Variants in SPECC1L observed in about 807,000 individuals in gnomAD.
SPECC1L encodes the protein sperm antigen with calponin homology and coiled-coil domains 1 like.
In SPECC1L, 40 loss-of-function variants were observed where a neutral mutation model predicts 116.8. The observed-to-expected ratio is 0.34, with a 90% CI of 0.27 to 0.45. The LOEUF is 0.45. Ranked by LOEUF, SPECC1L falls within the 20% of genes least tolerant of loss-of-function variation. The pLI, the probability that SPECC1L is intolerant of heterozygous loss-of-function variation, is 1.00. For missense variants in SPECC1L, 1,110 were observed against 1,373.6 expected (o/e 0.81, Z 3.03); for synonymous variants, 504 against 500.6 (o/e 1.01, Z -0.09).
chr22:24,379,083 A>G (rs533639981), intron 14 of SPECC1L, among the ~76,000 whole-genome samples: 2 of 150,168 alleles, frequency 1.3e-5, no homozygotes, highest in African/African-American at 4.8e-5. Flanking sequence ...CCTAAGTTTT[A>G]AATTTTGCTA....
chr22:24,328,332 ATATT>A lies in SPECC1L; in HGVS notation c.2147-513_2147-510del, dbSNP rs527487439. Among the ~76,000 whole-genome samples the A allele has an allele frequency of 1.9e-3, 282 of 152,328 alleles. 16 individuals carry two copies. In the South Asian group the frequency reaches 0.056, roughly 30 times the overall value. On this transcript the variant is annotated intron_variant, in intron 6 of 16. Coordinates refer to ENST00000314328, the MANE Select transcript of SPECC1L (RefSeq NM_015330.6). ...GGAATTATTGATTTACTTTATAAATATATTCTTTATTTTTTAAAAAGATTTTTAT... is the reference window on the plus strand; with the variant it reads ...GGAATTATTGATTTACTTTATAAATACTTTATTTTTTAAAAAGATTTTTAT...
intron 14 of SPECC1L, among the ~76,000 whole-genome samples, chr22:24,408,234 G>A (rs1373208006): frequency 2.6e-5 from 4 of 152,226 alleles, no homozygotes; most frequent in African/African-American, 9.6e-5. Flanking sequence ...TTGCATGCGT[G>A]TGCGTGTGTT....
chr22:24,306,392 T>C, intron 3 of SPECC1L, among the ~76,000 whole-genome samples: 1 of 152,102 alleles, frequency 6.6e-6, no homozygotes, highest in Admixed American at 6.5e-5. Context: ...TTAATTTTTT[T>C]AAGAGATGGA....
At chr22:24,278,432 G>C (rs1412186096) in intron 2 of SPECC1L, among the ~76,000 whole-genome samples, 1 of 151,906 alleles carries the variant, frequency 6.6e-6, no homozygotes, top group Non-Finnish European at 1.5e-5. Flanking sequence ...CATACTTCTG[G>C]AAATTCCATT....
intron 5 of SPECC1L, among the ~76,000 whole-genome samples, chr22:24,323,474 C>T (rs1025234305): frequency 2.6e-5 from 4 of 152,182 alleles, no homozygotes; most frequent in African/African-American, 9.7e-5. Context: ...TTGTACATGC[C>T]TCCAGCATAA....
At chr22:24,384,202 T>C (rs931725997) in intron 14 of SPECC1L, among the ~76,000 whole-genome samples, 1 of 151,710 alleles carries the variant, frequency 6.6e-6, no homozygotes, top group African/African-American at 2.4e-5. Context: ...GTGTCATAAG[T>C]GCTAAAAGTC....
intron 14 of SPECC1L, among the ~76,000 whole-genome samples, chr22:24,383,597 G>T (rs1384773777): frequency 1.3e-5 from 2 of 152,038 alleles, no homozygotes; most frequent in East Asian, 3.9e-4. Context: ...TTTTACCGGA[G>T]AACTGGAATC....
intron 2 of SPECC1L, among the ~76,000 whole-genome samples, chr22:24,287,041 G>A (rs1316072561): frequency 6.6e-6 from 1 of 152,210 alleles, no homozygotes; most frequent in African/African-American, 2.4e-5. Context: ...AAAGGTAAGA[G>A]GGATGGGGGG....
chr22:24,355,487 C>T (rs544924950), intron 11 of SPECC1L, among the ~76,000 whole-genome samples: 7 of 151,950 alleles, frequency 4.6e-5, no homozygotes, highest in African/African-American at 1.7e-4. Context: ...ACCTACCTAT[C>T]TAACTATCTT....
chr22:24,307,786 G>C (rs1208297383), intron 3 of SPECC1L, among the ~76,000 whole-genome samples: 1 of 150,972 alleles, frequency 6.6e-6, no homozygotes, highest in East Asian at 1.9e-4. Flanking sequence ...AGATCCTTCT[G>C]CCTCACCCTC....
chr22:24,300,035 C>G (rs1297975488), intron 2 of SPECC1L, among the ~76,000 whole-genome samples: 3 of 152,084 alleles, frequency 2.0e-5, no homozygotes, highest in African/African-American at 7.2e-5. Flanking sequence ...AAAAAGAAAA[C>G]AAGATACATG....
intron 4 of SPECC1L, among the ~76,000 whole-genome samples, chr22:24,313,726 T>C (rs547092646): frequency 2.0e-5 from 3 of 151,520 alleles, no homozygotes; most frequent in East Asian, 1.9e-4. Context: ...TTTATTATCT[T>C]GGAAAGAGAA....
chr22:24,313,573 C>T (rs1245815649), intron 4 of SPECC1L, 107 bp downstream of exon 4: 1 of 1,303,006 alleles, frequency 7.7e-7, no homozygotes, highest in African/African-American at 1.5e-5. Context: ...TTTAGACATA[C>T]AAAAGTAGAT....
Position 24,297,887 on chromosome 22 carries a change from C to T in SPECC1L, c.-37-4308C>T, listed in dbSNP as rs1217989032. ...GTCTGGTATCACAGTGCTTGTAACC[C>T]TTAGTTCACTTAATAATGGACCCAC... On this transcript the variant is annotated intron_variant, in intron 2 of 16. Coordinates refer to ENST00000314328, the MANE Select transcript of SPECC1L (RefSeq NM_015330.6). 3.3e-5 allele frequency among the ~76,000 whole-genome samples: 5 copies of T among 152,312 alleles called. No individual in the cohort carries two copies. In the East Asian group the frequency reaches 7.7e-4, roughly 23 times the overall value.
In SPECC1L at chr22:24,411,534, T is replaced by C. The variant is rs2042698353; in HGVS notation, c.3088-54T>C. 3 of 1,525,664 alleles carry C rather than the reference T, an allele frequency of 2.0e-6. No individual in the cohort carries two copies. In the Admixed American group the frequency reaches 5.0e-5, roughly 25 times the overall value. 94.5% of individuals were successfully genotyped at this position (1,525,664 alleles called of 1,614,324 possible). ...GGCCTCCTGCGTCCTCCTTGGCATCTCCTAAGAGGGTCCCAGCATGTGTTG... is the reference window on the plus strand; with the variant it reads ...GGCCTCCTGCGTCCTCCTTGGCATCCCCTAAGAGGGTCCCAGCATGTGTTG... On this transcript the variant is annotated intron_variant, in intron 14 of 16. Coordinates refer to ENST00000314328, the MANE Select transcript of SPECC1L (RefSeq NM_015330.6).
intron 14 of SPECC1L, among the ~76,000 whole-genome samples, chr22:24,390,154 G>A (rs997303115): frequency 6.6e-6 from 1 of 150,894 alleles, no homozygotes; most frequent in Middle Eastern, 3.2e-3. Context: ...AAAAAAAAGA[G>A]GACTTTAGTT....
At chr22:24,346,764 T>A (rs903051043) in intron 10 of SPECC1L, among the ~76,000 whole-genome samples, 2 of 152,192 alleles carry the variant, frequency 1.3e-5, no homozygotes, top group African/African-American at 4.8e-5. Flanking sequence ...AGTATTTGGC[T>A]AATGTCAAAA....
intron 4 of SPECC1L, among the ~76,000 whole-genome samples, chr22:24,313,708 A>G (rs1246130728): frequency 2.0e-5 from 3 of 151,396 alleles, no homozygotes; most frequent in African/African-American, 7.3e-5. Flanking sequence ...CATTTCATCC[A>G]TAAATACTTT....
At position 24,322,241 on chromosome 22, in the gene SPECC1L, C is replaced by T. The variant is rs184380299; in HGVS notation, c.1261C>T (p.Leu421=). The T allele has an allele frequency of 1.9e-6, 3 of 1,614,198 alleles. No individual in the cohort carries two copies. Among genetic ancestry groups the T allele is most frequent in the Non-Finnish European group, 8.5e-7 (1 of 1,180,042 alleles). ...SEELQATLQE[L]ADLQQITQEL... ...GGAACTCCAGGCAACCCTGCAAGAG[C>T]TAGCTGATTTACAGCAGATTACCCA... The change falls in exon 5 of 17, where the codon CTA becomes TTA. Residue 421 remains leucine, a synonymous_variant. Coordinates refer to ENST00000314328, the MANE Select transcript of SPECC1L (RefSeq NM_015330.6).
Sources: gnomAD v4.1 joint callset for allele counts (sites outside exome capture counted in the v4.1 genomes callset) on GRCh38, gnomAD v4.1.1 for gene constraint, MANE v1.5 for transcripts, NCBI Gene and HGNC (gene_info 2026-07-23, HGNC 2026-07-21) for gene names.